ZMYM4: variants seen among roughly 807,000 people sequenced by gnomAD.
ZMYM4 encodes the protein zinc finger MYM-type containing 4.
Under a neutral mutation model 183.2 loss-of-function variants are expected in ZMYM4, and 31 were observed. That is an observed-to-expected ratio of 0.17 (90% CI 0.13 to 0.23). The LOEUF (loss-of-function observed/expected upper bound fraction) is 0.23, where lower values mean the gene tolerates loss of function less well. ZMYM4 is among the 10% of genes least tolerant of loss of function. The pLI, the probability that ZMYM4 is intolerant of heterozygous loss-of-function variation, is 1.00. For missense variants in ZMYM4, 1,273 were observed against 1,840.3 expected (o/e 0.69, Z 5.64); for synonymous variants, 592 against 631.2 (o/e 0.94, Z 0.93).
rs1644986744 is a variant in ZMYM4, at chr1:35,405,497, G to A, written c.3796+29G>A. On this transcript the variant is annotated intron_variant, in intron 25 of 29. Transcript: ENST00000314607. ...AAATTTGTTTCTCTCCATTTGGTAT[G>A]AATTATTTATATTATTATTGCGGAT... The A allele has an allele frequency of 2.7e-6, 4 of 1,487,978 alleles. No individual in the cohort carries two copies. The East Asian group carries it at 9.2e-5, about 34-fold the overall frequency. 92.2% of individuals were successfully genotyped at this position (1,487,978 alleles called of 1,614,324 possible).
intron 1 of ZMYM4, among the ~76,000 whole-genome samples, chr1:35,295,573 C>A (rs1640966457): frequency 1.3e-5 from 2 of 152,190 alleles, no homozygotes; most frequent in Admixed American, 1.3e-4. Flanking sequence ...CAACAGCACA[C>A]CCAAGCTCTG....
At chr1:35,330,929 T>A in intron 2 of ZMYM4, among the ~76,000 whole-genome samples, 1 of 152,314 alleles carries the variant, frequency 6.6e-6, no homozygotes, top group Middle Eastern at 3.4e-3. Flanking sequence ...AATTCAGAAA[T>A]AGTTTTAGGT....
At chr1:35,311,084 G>A (rs1641774279) in intron 1 of ZMYM4, among the ~76,000 whole-genome samples, 1 of 152,114 alleles carries the variant, frequency 6.6e-6, no homozygotes, top group Admixed American at 6.5e-5. Context: ...GGCTGCCACT[G>A]TAGTGTTATC....
intron 1 of ZMYM4, among the ~76,000 whole-genome samples, chr1:35,310,640 A>G (rs1311455498): frequency 2.0e-5 from 3 of 151,830 alleles, no homozygotes; most frequent in Admixed American, 6.6e-5. Flanking sequence ...GTGCAATGTC[A>G]CAATCTCAGC....
chr1:35,379,515 C>T (rs1558124630), intron 7 of ZMYM4, among the ~76,000 whole-genome samples: 2 of 152,252 alleles, frequency 1.3e-5, no homozygotes, highest in Non-Finnish European at 2.9e-5. Context: ...GCATTACAGG[C>T]GTGAGCCGCC....
intron 1 of ZMYM4, among the ~76,000 whole-genome samples, chr1:35,281,214 G>A (rs1352826604): frequency 3.9e-5 from 6 of 151,958 alleles, no homozygotes; most frequent in African/African-American, 1.4e-4. Flanking sequence ...AACCCAGGAG[G>A]CGGAGGTTGC....
chr1:35,378,370 C>T (rs1570476269), intron 7 of ZMYM4, among the ~76,000 whole-genome samples: 1 of 152,230 alleles, frequency 6.6e-6, no homozygotes, highest in East Asian at 1.9e-4. Context: ...TGGCCGGATC[C>T]GTTATAGGAA....
intron 5 of ZMYM4, among the ~76,000 whole-genome samples, chr1:35,368,581 T>A (rs1283034001): frequency 6.6e-6 from 1 of 152,122 alleles, no homozygotes; most frequent in Non-Finnish European, 1.5e-5. Flanking sequence ...CATAAATTAC[T>A]GGAGTAAATA....
intron 1 of ZMYM4, among the ~76,000 whole-genome samples, chr1:35,286,257 C>A (rs1322606705): frequency 6.6e-6 from 1 of 151,834 alleles, no homozygotes; most frequent in African/African-American, 2.4e-5. Context: ...TAGAACAATC[C>A]CAAAAGGAAA....
Position 35,415,713 on chromosome 1 carries a change from A to G in ZMYM4, c.4308A>G (p.Pro1436=). Residue 1436 remains proline (P), a splice_region_variant and synonymous_variant, in exon 28 of 30, where the codon CCA becomes CCG. Coordinates refer to ENST00000314607, the MANE Select transcript of ZMYM4 (RefSeq NM_005095.3). ...CTTTACAGAAGCAGGAGTCAGAACC[A>G]GGTACGGGATACTGTTTGTCAGATT... The part of the protein sequence containing the change: ...FPPLQKQESE[P]DKLTVGKRKR... The G allele has an allele frequency of 6.2e-7, 1 of 1,610,484 alleles. No individual in the cohort carries two copies. Among genetic ancestry groups the G allele is most frequent in the East Asian group, 2.2e-5 (1 of 44,878 alleles).
chr1:35,360,943 A>ATTT (rs558784834), intron 3 of ZMYM4, among the ~76,000 whole-genome samples: 1 of 138,156 alleles, frequency 7.2e-6, no homozygotes, highest in Admixed American at 7.3e-5. Flanking sequence ...AGCAAAAATA[A>ATTT]TTTTTTTTTT....
chr1:35,280,242 C>CCCTT (rs1173887051), intron 1 of ZMYM4, among the ~76,000 whole-genome samples: 3 of 135,846 alleles, frequency 2.2e-5, no homozygotes, highest in South Asian at 2.4e-4. Context: ...CTCTTTCTTT[C>CCCTT]TCTCTTTCTT....
chr1:35,404,848 G>A (rs1034225433), intron 23 of ZMYM4, 175 bp from the exon 24 acceptor site: 3 of 536,090 alleles, frequency 5.6e-6, no homozygotes, highest in Non-Finnish European at 9.3e-6. Flanking sequence ...TTCCTCATAT[G>A]GATTGGATTA....
chr1:35,276,702 G>C (rs879456343), intron 1 of ZMYM4, among the ~76,000 whole-genome samples: 14 of 152,050 alleles, frequency 9.2e-5, no homozygotes, highest in African/African-American at 3.1e-4. Flanking sequence ...CCGTCTCCTG[G>C]GTTCAAGCGA....
intron 2 of ZMYM4, among the ~76,000 whole-genome samples, chr1:35,356,433 A>T (rs1643820975): frequency 6.6e-6 from 1 of 152,188 alleles, no homozygotes; most frequent in Non-Finnish European, 1.5e-5. Flanking sequence ...TCTTCAGCAT[A>T]CATCTCCTAA....
chr1:35,386,610 C>G (rs1462307575), intron 11 of ZMYM4, among the ~76,000 whole-genome samples: 1 of 152,162 alleles, frequency 6.6e-6, no homozygotes, highest in Non-Finnish European at 1.5e-5. Flanking sequence ...TCAAACCTAT[C>G]ACCTACTATA....
intron 1 of ZMYM4, among the ~76,000 whole-genome samples, chr1:35,277,035 G>A (rs1346169356): frequency 6.6e-6 from 1 of 152,082 alleles, no homozygotes; most frequent in African/African-American, 2.4e-5. Flanking sequence ...TCCTTGTTAT[G>A]GTATTTAACA....
At chr1:35,351,485 G>C (rs1032778150) in intron 2 of ZMYM4, 73 of 1,552,702 alleles carry the variant, frequency 4.7e-5, no homozygotes, top group Non-Finnish European at 5.8e-5. Flanking sequence ...ATGAAAAGAA[G>C]CCCAAGAAAC....
chr1:35,300,437 A>G (rs1282893803), intron 1 of ZMYM4, among the ~76,000 whole-genome samples: 2 of 152,182 alleles, frequency 1.3e-5, no homozygotes, highest in Non-Finnish European at 2.9e-5. Context: ...TTCATTGAGC[A>G]TTCTGATTCT....
Sources: gnomAD v4.1 joint callset for allele counts (sites outside exome capture counted in the v4.1 genomes callset) on GRCh38, gnomAD v4.1.1 for gene constraint, MANE v1.5 for transcripts, NCBI Gene and HGNC (gene_info 2026-07-23, HGNC 2026-07-21) for gene names.